ATP11C: variants seen among roughly 807,000 people sequenced by gnomAD.
The protein encoded by ATP11C is phospholipid-transporting ATPase IG.
A neutral mutation model predicts 97.4 loss-of-function variants in ATP11C; 36 were observed. The ratio of observed to expected loss-of-function variants is 0.37; its 90% confidence interval spans 0.28 to 0.49. The LOEUF is 0.49. Ranked by LOEUF, ATP11C falls within the 20% of genes least tolerant of loss-of-function variation. ATP11C has a pLI of 0.98. For missense variants in ATP11C, 730 were observed against 824.6 expected, an observed-to-expected ratio of 0.89 and a Z score of 1.40; for synonymous variants, 275 against 290.9, an observed-to-expected ratio of 0.95 and a Z score of 0.56.
intron 1 of ATP11C, among the ~76,000 whole-genome samples, chrX:139,839,364 T>C (rs952655436): frequency 1.8e-5 from 2 of 112,002 alleles, no homozygotes; most frequent in Non-Finnish European, 3.8e-5. Flanking sequence ...TTTACAATGG[T>C]TAGTTTTATG....
chrX:139,827,393 T>C (rs1717358334), intron 1 of ATP11C, among the ~76,000 whole-genome samples: 1 of 112,219 alleles, frequency 8.9e-6, no homozygotes, highest in Non-Finnish European at 1.9e-5. Context: ...GGATAGTTTA[T>C]TTTGCAATCT....
intron 1 of ATP11C, among the ~76,000 whole-genome samples, chrX:139,918,675 CAAAAAAAAAAA>C (rs59502861): frequency 2.7e-4 from 11 of 41,061 alleles, no homozygotes; most frequent in African/African-American, 9.6e-4. Flanking sequence ...AACCCCATTT[CAAAAAAAAAAA>C]AAAAAAAAAA....
chrX:139,741,692 T>C (rs1341293623), intron 26 of ATP11C, among the ~76,000 whole-genome samples: 1 of 112,077 alleles, frequency 8.9e-6, no homozygotes, highest in Non-Finnish European at 1.9e-5. Flanking sequence ...ATCTAGTCCA[T>C]TAAATTAATA....
chrX:139,802,153 G>T, intron 7 of ATP11C, 83 bp downstream of exon 7: 1 of 674,003 alleles, frequency 1.5e-6, no homozygotes. Flanking sequence ...GCTGGTAAGT[G>T]GTGGGTGTTT....
At chrX:139,853,309 CAGAGAGGAGAGAAAA>C (rs1368772830) in intron 1 of ATP11C, among the ~76,000 whole-genome samples, 2 of 103,630 alleles carry the variant, frequency 1.9e-5, no homozygotes, top group African/African-American at 7.2e-5. Flanking sequence ...GAAAGAGAGA[CAGAGAGGAGAGAAAA>C]AGAGAGAGGG....
At chrX:139,884,548 C>T (rs893761849) in intron 1 of ATP11C, among the ~76,000 whole-genome samples, 6 of 111,761 alleles carry the variant, frequency 5.4e-5, no homozygotes, top group African/African-American at 1.6e-4. Context: ...GTCTTGAACT[C>T]CTGGCCTCAG....
intron 1 of ATP11C, among the ~76,000 whole-genome samples, chrX:139,903,184 C>G: frequency 9.0e-6 from 1 of 111,647 alleles, no homozygotes; most frequent in Non-Finnish European, 1.9e-5. Context: ...AATCCATAGT[C>G]AAAAACCAGG....
chrX:139,847,018 C>T (rs761773353), intron 1 of ATP11C, among the ~76,000 whole-genome samples: 16 of 110,587 alleles, frequency 1.4e-4, no homozygotes, highest in Non-Finnish European at 2.5e-4. Context: ...CTACTTACTG[C>T]TCTGGGCTTC....
At chrX:139,869,214 A>G (rs1158187286) in intron 1 of ATP11C, among the ~76,000 whole-genome samples, 1 of 112,395 alleles carries the variant, frequency 8.9e-6, no homozygotes, top group African/African-American at 3.2e-5. Context: ...ATAAGGAAGC[A>G]ACCCAAATGT....
intron 1 of ATP11C, among the ~76,000 whole-genome samples, chrX:139,865,306 G>C (rs1354987573): frequency 8.9e-6 from 1 of 111,989 alleles, no homozygotes; most frequent in African/African-American, 3.2e-5. Flanking sequence ...AGAAGGTCGA[G>C]GCCATGATCA....
intron 4 of ATP11C, among the ~76,000 whole-genome samples, chrX:139,815,664 T>TAA (rs1234135880): frequency 7.1e-5 from 8 of 112,224 alleles, no homozygotes; most frequent in Non-Finnish European, 1.5e-4. Flanking sequence ...CCAAAAGATC[T>TAA]AAAGGATGTT....
At chrX:139,876,430 T>C (rs1211727697) in intron 1 of ATP11C, among the ~76,000 whole-genome samples, 1 of 111,694 alleles carries the variant, frequency 9.0e-6, no homozygotes, top group Non-Finnish European at 1.9e-5. Flanking sequence ...AATACAACAA[T>C]TTTTTTTGAG....
chrX:139,888,902 G>A (rs1267830722), intron 1 of ATP11C, among the ~76,000 whole-genome samples: 5 of 109,911 alleles, frequency 4.5e-5, no homozygotes, highest in African/African-American at 1.3e-4. Flanking sequence ...TCCGCCTCTC[G>A]GGTTCAAGCA....
At chrX:139,760,452 A>G (rs943019802) in intron 22 of ATP11C, among the ~76,000 whole-genome samples, 1 of 111,881 alleles carries the variant, frequency 8.9e-6, no homozygotes, top group Non-Finnish European at 1.9e-5. Flanking sequence ...AGAAAGACCT[A>G]GGGTTGACTA....
At chrX:139,838,379 C>A (rs1327439019) in intron 1 of ATP11C, among the ~76,000 whole-genome samples, 6 of 110,414 alleles carry the variant, frequency 5.4e-5, no homozygotes, top group Non-Finnish European at 9.5e-5. Flanking sequence ...TTCATTCATG[C>A]ATTCCAGATG....
At chrX:139,899,041 C>T (rs929479022) in intron 1 of ATP11C, among the ~76,000 whole-genome samples, 8 of 111,606 alleles carry the variant, frequency 7.2e-5, no homozygotes, top group Non-Finnish European at 1.1e-4. Context: ...AGTCTAATCA[C>T]GAGGAAAACA....
At chrX:139,813,096 C>T (rs12835210) in intron 5 of ATP11C, among the ~76,000 whole-genome samples, 1 of 111,948 alleles carries the variant, frequency 8.9e-6, no homozygotes, top group South Asian at 3.7e-4. Context: ...AGAAAACAAC[C>T]TGCTTTAAAA....
intron 5 of ATP11C, among the ~76,000 whole-genome samples, chrX:139,808,583 GA>G (rs1179392347): frequency 3.6e-5 from 4 of 110,747 alleles, no homozygotes; most frequent in Non-Finnish European, 7.6e-5. Flanking sequence ...AGTACTGAAA[GA>G]AAAAAACCCC....
At chrX:139,787,967 T>G (rs2082610514) in intron 14 of ATP11C, among the ~76,000 whole-genome samples, 1 of 112,682 alleles carries the variant, frequency 8.9e-6, no homozygotes, top group African/African-American at 3.2e-5. Flanking sequence ...CTGGCATGCA[T>G]AAATAGTAAG....
Sources: gnomAD v4.1 joint callset for allele counts (sites outside exome capture counted in the v4.1 genomes callset) on GRCh38, gnomAD v4.1.1 for gene constraint, MANE v1.5 for transcripts, NCBI Gene and HGNC (gene_info 2026-07-23, HGNC 2026-07-21) for gene names.